The following MYCBP2 variants were observed in gnomAD, a reference collection of about 807,000 sequenced individuals.
MYCBP2 encodes E3 ubiquitin-protein ligase MYCBP2.
A neutral mutation model predicts 525.3 loss-of-function variants in MYCBP2; 120 were observed. That is an observed-to-expected ratio of 0.23 (90% confidence interval 0.20 to 0.27). The LOEUF is 0.27. Among genes scored for constraint, MYCBP2 ranks in the 10% least tolerant of loss-of-function variants. The pLI, the probability that MYCBP2 is intolerant of heterozygous loss-of-function variation, is 1.00. For missense variants in MYCBP2, 4,149 were observed against 5,657.1 expected, an observed-to-expected ratio of 0.73 and a Z score of 8.55; for synonymous variants, 1,894 against 1,955.8, an observed-to-expected ratio of 0.97 and a Z score of 0.83.
In MYCBP2 at chr13:77,172,191, C is replaced by T. The variant is rs150522437; in HGVS notation, c.5652-557G>A. Among the ~76,000 whole-genome samples, 232 of 152,138 alleles carry T rather than the reference C, an allele frequency of 1.5e-3. 2 individuals carry two copies. The highest frequency in any genetic ancestry group is 4.8e-3 in the African/African-American group (198 of 41,510). On this transcript the variant is annotated intron_variant, in intron 37 of 82. Transcript: ENST00000544440. The stretch of plus-strand genomic sequence containing the variant: ...TGGGATTATAGGAGTGAGCCGCGCA[C>T]CCAGCTGACCTGAATTTTTTTTTTT...
chr13:77,208,735 A>G (rs2063641640), intron 23 of MYCBP2, among the ~76,000 whole-genome samples: 1 of 152,214 alleles, frequency 6.6e-6, no homozygotes, highest in Non-Finnish European at 1.5e-5. Flanking sequence ...GGTATGGGAA[A>G]AGAAACAGAT....
intron 34 of MYCBP2, among the ~76,000 whole-genome samples, chr13:77,178,892 T>C (rs1019042589): frequency 6.6e-6 from 1 of 152,228 alleles, no homozygotes; most frequent in Non-Finnish European, 1.5e-5. Flanking sequence ...CTTTCCTGCA[T>C]CCTGCAGAGT....
intron 3 of MYCBP2, among the ~76,000 whole-genome samples, chr13:77,280,188 C>G (rs760189309): frequency 1.2e-4 from 19 of 152,164 alleles, no homozygotes; most frequent in Admixed American, 4.6e-4. Context: ...CTGGAAACAA[C>G]AGATATAGCT....
At chr13:77,046,040 G>A (rs1031592131) in intron 82 of MYCBP2, among the ~76,000 whole-genome samples, 22 of 152,170 alleles carry the variant, frequency 1.4e-4, no homozygotes, top group African/African-American at 5.1e-4. Flanking sequence ...ATATTAGCAG[G>A]AAAATGAAAG....
intron 55 of MYCBP2, among the ~76,000 whole-genome samples, chr13:77,110,956 A>G (rs1017257293): frequency 6.6e-6 from 1 of 152,134 alleles, no homozygotes; most frequent in Non-Finnish European, 1.5e-5. Flanking sequence ...GCTGCTGCTG[A>G]TGCACACTTC....
In MYCBP2 at chr13:77,111,583, ATT is replaced by A. The variant is rs33938909; in HGVS notation, c.8140+9788_8140+9789del. Among the ~76,000 whole-genome samples the A allele has an allele frequency of 3.4e-3, 503 of 147,244 alleles. 2 individuals carry two copies. The highest frequency in any genetic ancestry group is 8.3e-3 in the African/African-American group (333 of 40,088). ...AGGTGCAGCCCTCAATGCTTGGCTAATTTTTTTTTTTTTTCTTTTAAGTAGAG... is the reference window on the plus strand; with the variant it reads ...AGGTGCAGCCCTCAATGCTTGGCTAATTTTTTTTTTTTCTTTTAAGTAGAG... On this transcript the variant is annotated intron_variant, in intron 55 of 82. Coordinates refer to ENST00000544440, the MANE Select transcript of MYCBP2 (RefSeq NM_015057.5).
chr13:77,270,935 A>C (rs2074796201), intron 5 of MYCBP2, among the ~76,000 whole-genome samples: 1 of 151,592 alleles, frequency 6.6e-6, no homozygotes, highest in Admixed American at 6.6e-5. Context: ...CTTCCTCTTT[A>C]TCTTTCAGTT....
Position 77,068,741 on chromosome 13 carries a change from T to C in MYCBP2, c.11995A>G (p.Asn3999Asp). 1 of 1,614,204 alleles carries C rather than the reference T, an allele frequency of 6.2e-7. No homozygotes were observed. Among genetic ancestry groups the C allele is most frequent in the Non-Finnish European group, 8.5e-7 (1 of 1,180,030 alleles). The change falls in exon 70 of 83, where the codon AAT (asparagine) becomes GAT (aspartate). Residue 3999 changes from asparagine (N) to aspartate (D), a missense_variant. By Grantham distance (23) the Asn-to-Asp change is conservative. Around this residue, in one of 21 missense-constraint regions of MYCBP2, gnomAD observed 64 missense variants for 131.2 expected, o/e 0.49. Transcript: ENST00000544440. ...EHAISSKENA[N>D]SQPNDEDASS... ...GCATCTTCATCATTTGGCTGAGAAT[T>C]GGCATTTTCTTTGCTTGATATAGCA...
chr13:77,285,677 T>G (rs1272207655), intron 3 of MYCBP2, among the ~76,000 whole-genome samples: 2 of 151,956 alleles, frequency 1.3e-5, no homozygotes, highest in African/African-American at 4.8e-5. Context: ...TCCCAGCTAC[T>G]CAGGAGGCTG....
At position 77,243,258 on chromosome 13, in the gene MYCBP2, A is replaced by G. The variant is rs2069199423; in HGVS notation, c.2528-98T>C. ...AATTCAAGAAAGTAAAAGCTAGCAA[A>G]AACATTGTCTAAAACACACAATATT... On this transcript the variant is annotated intron_variant, in intron 16 of 82. Transcript: ENST00000544440. 5 of 914,428 alleles carry G rather than the reference A, an allele frequency of 5.5e-6. No homozygotes were observed. In the Admixed American group the frequency reaches 9.9e-5, roughly 18 times the overall value. 56.6% of individuals were successfully genotyped at this position (914,428 alleles called of 1,614,324 possible).
intron 5 of MYCBP2, chr13:77,272,472 A>T (rs1161016995): frequency 6.6e-6 from 1 of 152,228 alleles, no homozygotes; most frequent in Non-Finnish European, 1.5e-5. Context: ...AAAATCTGGT[A>T]TATGGTATCT....
At chr13:77,097,169 C>T (rs1234317802) in intron 56 of MYCBP2, among the ~76,000 whole-genome samples, 5 of 152,282 alleles carry the variant, frequency 3.3e-5, no homozygotes, top group Admixed American at 1.3e-4. Context: ...AGTGAAATAG[C>T]ACTAAATGAC....
chr13:77,286,623 G>A (rs2076799467), intron 3 of MYCBP2, among the ~76,000 whole-genome samples: 1 of 148,182 alleles, frequency 6.7e-6, no homozygotes, highest in Non-Finnish European at 1.5e-5. Context: ...GGGCGCGGTG[G>A]CAGGTGCCTG....
At chr13:77,300,667 A>G (rs995727309) in intron 1 of MYCBP2, among the ~76,000 whole-genome samples, 5 of 152,286 alleles carry the variant, frequency 3.3e-5, no homozygotes, top group African/African-American at 9.6e-5. Context: ...TCAAAACATC[A>G]CTATGCTTAT....
intron 18 of MYCBP2, among the ~76,000 whole-genome samples, chr13:77,226,161 A>G (rs1034486304): frequency 6.6e-6 from 1 of 152,100 alleles, no homozygotes; most frequent in African/African-American, 2.4e-5. Context: ...CTTCAGCCAT[A>G]TTGCTTTGTG....
In MYCBP2 at chr13:77,050,018, T is replaced by C. The variant is rs537326163; in HGVS notation, c.13921+979A>G. Among the ~76,000 whole-genome samples, 909 of 152,290 alleles carry C rather than the reference T, an allele frequency of 6.0e-3. 15 individuals are homozygous for C. Among genetic ancestry groups the C allele is most frequent in the Non-Finnish European group, 6.5e-3 (440 of 68,024 alleles). On this transcript the variant is annotated intron_variant, in intron 82 of 82. Coordinates refer to ENST00000544440, the MANE Select transcript of MYCBP2 (RefSeq NM_015057.5). The stretch of plus-strand genomic sequence containing the variant: ...GAAACACCATCCTCACTCTTTTTTT[T>C]TTTTAAACTGATGCGTAATATTAGC...
At position 77,055,132 on chromosome 13, in the gene MYCBP2, T is replaced by TA. The variant is rs11346823; in HGVS notation, c.13647+425dup. Among the ~76,000 whole-genome samples the TA allele has an allele frequency of 3.1e-3, 339 of 109,514 alleles. 2 individuals carry two copies. Among genetic ancestry groups the TA allele is most frequent in the African/African-American group, 6.3e-3 (234 of 37,424 alleles). The allele number at this position is 109,514 out of a possible 152,430, so 71.8% of individuals were successfully genotyped here. ...GAAAACAAATATGTAAGGGGTAGGTTAAAAAAAAAAAAAGAAGAAGTAGTT... is the reference window on the plus strand; with the variant it reads ...GAAAACAAATATGTAAGGGGTAGGTTAAAAAAAAAAAAAAGAAGAAGTAGTT... On this transcript the variant is annotated intron_variant, in intron 80 of 82. Coordinates refer to ENST00000544440, the MANE Select transcript of MYCBP2 (RefSeq NM_015057.5).
intron 1 of MYCBP2, among the ~76,000 whole-genome samples, chr13:77,316,602 T>C (rs1181793986): frequency 2.7e-5 from 4 of 150,780 alleles, no homozygotes; most frequent in African/African-American, 9.7e-5. Context: ...AGAATTCTGG[T>C]GAGTGTCATT....
At chr13:77,080,158 A>G (rs2043056552) in intron 65 of MYCBP2, among the ~76,000 whole-genome samples, 1 of 152,186 alleles carries the variant, frequency 6.6e-6, no homozygotes, top group South Asian at 2.1e-4. Flanking sequence ...CTGAGGAGGA[A>G]ATAGCTCATA....
Sources: allele counts gnomAD v4.1 joint callset (sites outside exome capture counted in the v4.1 genomes callset), GRCh38; gene constraint gnomAD v4.1.1; regional missense constraint gnomAD v4.1.1; transcripts MANE v1.5; gene names NCBI Gene and HGNC (gene_info 2026-07-23, HGNC 2026-07-21).